Variants in DCAF5 observed in about 807,000 individuals in gnomAD.
DCAF5 encodes DDB1 and CUL4 associated factor 5, also known as DDB1- and CUL4-associated factor 5.
DCAF5 carries 9 observed loss-of-function variants against 80.7 expected under a neutral mutation model. That is an observed-to-expected ratio of 0.11 (90% confidence interval 0.07 to 0.19). DCAF5 has a LOEUF of 0.19. DCAF5 is among the 10% of genes least tolerant of loss of function. The pLI is 1.00. For synonymous variants in DCAF5, 433 were observed against 461.9 expected (o/e 0.94, Z 0.80); for missense variants, 842 against 1,205.7 (o/e 0.70, Z 4.47).
Position 69,054,433 on chromosome 14 carries a change from G to A in DCAF5, c.2253C>T (p.Ser751=). The A allele has an allele frequency of 6.2e-7, 1 of 1,614,022 alleles. No homozygotes were observed. The highest frequency in any genetic ancestry group is 1.1e-5 in the South Asian group (1 of 91,090). The change falls in exon 9 of 9, where the codon AGC becomes AGT. Residue 751 remains serine, a synonymous_variant. Transcript: ENST00000341516. ...CCTCTGGCACCTCTGCCCAAGCATG[G>A]CTGCTGTGCTCATGGCCTGGGCCAT... ...PSNGPGHEHS[S]HAWAEVPEGT...
rs754177811 is a variant in DCAF5 at position 69,054,417 on chromosome 14, C to A, written c.2269G>T (p.Val757Leu). ...GTGTCCTGAGAGGTACCCTCTGGCA[C>A]CTCTGCCCAAGCATGGCTGCTGTGC... ...HEHSSHAWAE[V>L]PEGTSQDTGN... Residue 757 changes from valine (V) to leucine (L), a missense_variant, in exon 9 of 9, where the codon GTG (valine) becomes TTG (leucine). Physicochemically the swap from Val to Leu is conservative, Grantham distance 32. Around this residue, in one of 5 missense-constraint regions of DCAF5, gnomAD observed 607 missense variants for 656.6 expected, o/e 0.92. Transcript: ENST00000341516. 1.9e-6 allele frequency: 3 copies of A among 1,613,976 alleles called. No individual in the cohort carries two copies. Among genetic ancestry groups the A allele is most frequent in the African/African-American group, 1.3e-5 (1 of 74,944 alleles).
rs369217472 is a variant in DCAF5, at chr14:69,135,511, A to G, written c.215-13151T>C. Among the ~76,000 whole-genome samples the G allele has an allele frequency of 4.0e-4, 61 of 152,348 alleles. No individual in the cohort carries two copies. In the East Asian group the frequency reaches 8.7e-3, roughly 22 times the overall value. On this transcript the variant is annotated intron_variant, in intron 1 of 8. Transcript: ENST00000341516. ...TATCTATGAGATAGTTTGCATTGTG[A>G]GCTGAACTGGCTGCTTTTTTCATGA...
chr14:69,107,137 C>G lies in DCAF5; in HGVS notation c.665+9229G>C, dbSNP rs560307871. ...TCTGAATAACTGGACTTGGGGAATA[C>G]GAAAGGAAGAATATGAAATGATACT... On this transcript the variant is annotated intron_variant, in intron 5 of 8. Coordinates refer to ENST00000341516, the MANE Select transcript of DCAF5 (RefSeq NM_003861.3). Among the ~76,000 whole-genome samples the G allele has an allele frequency of 3.3e-5, 5 of 152,208 alleles. No individual in the cohort carries two copies. In the East Asian group the frequency reaches 9.7e-4, roughly 29 times the overall value.
intron 1 of DCAF5, among the ~76,000 whole-genome samples, chr14:69,125,397 G>C (rs1027002402): frequency 8.5e-5 from 13 of 152,170 alleles, no homozygotes; most frequent in Non-Finnish European, 1.3e-4. Context: ...CACAAAACTG[G>C]TAATGGCTTA....
At position 69,084,544 on chromosome 14, in the gene DCAF5, T is replaced by A. The variant is rs114220246; in HGVS notation, c.879+7130A>T. The A allele has an allele frequency of 2.2e-3, 1,638 of 759,292 alleles. 17 individuals are homozygous for A. In the African/African-American group the frequency reaches 0.026, roughly 12 times the overall value. The allele number at this position is 759,292 out of a possible 1,614,324, so 47.0% of individuals were successfully genotyped here. On this transcript the variant is annotated intron_variant, in intron 6 of 8. Transcript: ENST00000341516. ...AGGAGCCATTGTATGTTGGTGTTGATGACGATAAAGCTAATGCAACAGTGG... is the reference window on the plus strand; with the variant it reads ...AGGAGCCATTGTATGTTGGTGTTGAAGACGATAAAGCTAATGCAACAGTGG...
At chr14:69,122,461 TC>T (rs2040751116) in intron 1 of DCAF5, 101 bp from the exon 2 acceptor site, 4 of 1,267,616 alleles carry the variant, frequency 3.2e-6, no homozygotes, top group Non-Finnish European at 4.4e-6. Flanking sequence ...AAACTGCACC[TC>T]CCCAACTCCA....
rs35501979 is a variant in DCAF5, at chr14:69,098,727, C to CAA, written c.666-6842_666-6841dup. Among the ~76,000 whole-genome samples, 470 of 92,458 alleles carry CAA rather than the reference C, an allele frequency of 5.1e-3. 9 individuals carry two copies. The highest frequency in any genetic ancestry group is 0.018 in the East Asian group (58 of 3,290). The allele number at this position is 92,458 out of a possible 152,430, so 60.7% of individuals were successfully genotyped here. The stretch of plus-strand genomic sequence containing the variant: ...TGAAACTCTGTCTCTACTAAAAATA[C>CAA]AAAAAAAAAAAAAAAAAAAAATTAG... On this transcript the variant is annotated intron_variant, in intron 5 of 8. Transcript: ENST00000341516.
intron 6 of DCAF5, chr14:69,089,184 A>G (rs1203712475): frequency 1.3e-5 from 2 of 152,644 alleles, no homozygotes; most frequent in East Asian, 3.8e-4. Flanking sequence ...AATACCACAC[A>G]TTGACCAACG....
chr14:69,151,600 C>G (rs907330412), intron 1 of DCAF5, among the ~76,000 whole-genome samples: 7 of 152,182 alleles, frequency 4.6e-5, no homozygotes, highest in African/African-American at 1.2e-4. Flanking sequence ...TCTTCACCCC[C>G]CCTCCCCTGA....
intron 1 of DCAF5, among the ~76,000 whole-genome samples, chr14:69,147,617 T>C (rs1394117634): frequency 6.6e-6 from 1 of 152,144 alleles, no homozygotes; most frequent in Non-Finnish European, 1.5e-5. Context: ...TATGGCTCCT[T>C]ATAATGATCA....
At chr14:69,107,094 G>A (rs2040189686) in intron 5 of DCAF5, among the ~76,000 whole-genome samples, 1 of 151,966 alleles carries the variant, frequency 6.6e-6, no homozygotes, top group Non-Finnish European at 1.5e-5. Flanking sequence ...TTTGATTTAG[G>A]TTTTGATATT....
rs1299768016 is a variant in DCAF5 at position 69,116,424 on chromosome 14, A to G, written c.607T>C (p.Leu203=). The G allele has an allele frequency of 1.2e-6, 2 of 1,613,538 alleles. No individual in the cohort carries two copies. Among genetic ancestry groups the G allele is most frequent in the African/African-American group, 2.7e-5 (2 of 74,900 alleles). Residue 203 remains leucine (L), a synonymous_variant, in exon 5 of 9, where the codon TTG becomes CTG. Coordinates refer to ENST00000341516, the MANE Select transcript of DCAF5 (RefSeq NM_003861.3). ...CCTTCCTTTGAATTGGCTGTGGCCA[A>G]CAACCTGGGCTCCACAGGGTTAAAC... ...VMFNPVEPRL[L]ATANSKEGVG... is the part of the protein sequence containing the mutation.
rs1407754784 is a variant in DCAF5 at position 69,120,409 on chromosome 14, T to TCAC, written c.359-1180_359-1179insGTG. On this transcript the variant is annotated intron_variant, in intron 2 of 8. Coordinates refer to ENST00000341516, the MANE Select transcript of DCAF5 (RefSeq NM_003861.3). ...TGAGCCACCATGCCCAGCCTCATCA[T>TCAC]CTTTTATAGCATGAAAATTTGATGA... is the stretch of plus-strand genomic sequence containing the variant. Among the ~76,000 whole-genome samples, 29 of 152,328 alleles carry TCAC rather than the reference T, an allele frequency of 1.9e-4. 1 individual carries two copies. The South Asian group carries it at 3.7e-3, about 20-fold the overall frequency.
intron 5 of DCAF5, among the ~76,000 whole-genome samples, chr14:69,098,912 AAAAG>A (rs1158210777): frequency 4.1e-5 from 6 of 145,674 alleles, no homozygotes; most frequent in Non-Finnish European, 7.5e-5. Context: ...AAAAAAAAAA[AAAAG>A]AAAAGAAAAA....
chr14:69,135,649 G>T lies in DCAF5; in HGVS notation c.215-13289C>A, dbSNP rs184982869. Among the ~76,000 whole-genome samples, 501 of 152,162 alleles carry T rather than the reference G, an allele frequency of 3.3e-3. 2 individuals carry two copies. The highest frequency in any genetic ancestry group is 0.011 in the African/African-American group (470 of 41,512). On this transcript the variant is annotated intron_variant, in intron 1 of 8. Transcript: ENST00000341516. ...GCCTGTCACCTCAAGGAAAATAATT[G>T]GCAGTATTTGTAGCCAATGATAAAA...
chr14:69,067,811 A>G (rs1055712969), intron 7 of DCAF5, among the ~76,000 whole-genome samples: 17 of 151,588 alleles, frequency 1.1e-4, no homozygotes, highest in African/African-American at 4.1e-4. Context: ...TAATTTTTGT[A>G]TTTTTAGTAG....
rs1239329358 is a variant in DCAF5, at chr14:69,105,393, C to A, written c.665+10973G>T. Among the ~76,000 whole-genome samples the A allele has an allele frequency of 2.0e-5, 3 of 152,158 alleles. No individual in the cohort carries two copies. In the East Asian group the frequency reaches 5.8e-4, roughly 29 times the overall value. On this transcript the variant is annotated intron_variant, in intron 5 of 8. Coordinates refer to ENST00000341516, the MANE Select transcript of DCAF5 (RefSeq NM_003861.3). ...ATGATGCTAAGTGAAAGAAGCCAGA[C>A]AGAAGGTCACATATCGTGATGGCCA...
At chr14:69,068,109 A>G (rs925494403) in intron 7 of DCAF5, among the ~76,000 whole-genome samples, 1 of 152,248 alleles carries the variant, frequency 6.6e-6, no homozygotes, top group African/African-American at 2.4e-5. Context: ...TATGGGCCTC[A>G]GAAGCCACTT....
intron 7 of DCAF5, among the ~76,000 whole-genome samples, chr14:69,073,523 C>A (rs765442285): frequency 6.6e-6 from 1 of 151,588 alleles, no homozygotes; most frequent in Non-Finnish European, 1.5e-5. Flanking sequence ...CACAGTGGCT[C>A]ATGCCTATAC....
Sources: allele counts gnomAD v4.1 joint callset (sites outside exome capture counted in the v4.1 genomes callset), GRCh38; gene constraint gnomAD v4.1.1; regional missense constraint gnomAD v4.1.1; transcripts MANE v1.5; gene names NCBI Gene and HGNC (gene_info 2026-07-23, HGNC 2026-07-21).